The following CYYR1 variants were observed in gnomAD, a reference collection of about 807,000 sequenced individuals.
The protein encoded by CYYR1 is cysteine and tyrosine-rich protein 1.
In CYYR1, 14 loss-of-function variants were observed where a neutral mutation model predicts 15.2. The ratio of observed to expected loss-of-function variants is 0.92; its 90% CI spans 0.61 to 1.44. CYYR1 has a LOEUF of 1.44. Among genes scored for constraint, CYYR1 ranks in the 40% most tolerant of loss-of-function variants. The probability of loss-of-function intolerance (pLI) is 0.00; values close to 1 mark genes in which losing one functional copy is unlikely to be tolerated. For missense variants in CYYR1, 228 were observed against 209.5 expected, an observed-to-expected ratio of 1.09 and a Z score of -0.54; for synonymous variants, 80 against 77.4, an observed-to-expected ratio of 1.03 and a Z score of -0.18.
rs1047828479 is a variant in CYYR1, at chr21:26,467,576, T to C, written c.*925A>G. 4 of 152,164 alleles carry C rather than the reference T, an allele frequency of 2.6e-5. No homozygotes were observed. The highest frequency in any genetic ancestry group is 4.4e-5 in the Non-Finnish European group (3 of 68,026). The allele number at this position is 152,164 out of a possible 1,614,324, so 9.4% of individuals were successfully genotyped here. ...TGTGGGAATAATTGATTTCTCATCT[T>C]TTACTTGGAAGTGAAGTGTCTGCTA... On this transcript the variant is annotated 3_prime_UTR_variant, in exon 4 of 4. Transcript: ENST00000652641.
At chr21:26,543,815 A>G (rs1181323798) in intron 2 of CYYR1, among the ~76,000 whole-genome samples, 1 of 152,132 alleles carries the variant, frequency 6.6e-6, no homozygotes, top group Admixed American at 6.5e-5. Context: ...CTGAGGCAGG[A>G]GAATTGCTTG....
chr21:26,480,569 T>C, intron 2 of CYYR1, 140 bp from the exon 3 acceptor site: 1 of 892,880 alleles, frequency 1.1e-6, no homozygotes, highest in Non-Finnish European at 1.6e-6. Flanking sequence ...TCTTTTCTTT[T>C]TTTTTTTAAA....
At chr21:26,510,767 T>C (rs2065636483) in intron 2 of CYYR1, among the ~76,000 whole-genome samples, 1 of 152,198 alleles carries the variant, frequency 6.6e-6, no homozygotes, top group African/African-American at 2.4e-5. Context: ...AATTTATATA[T>C]AATAATTTTG....
rs1045294697 is a variant in CYYR1 at position 26,468,423 on chromosome 21, T to C, written c.*78A>G. 6 of 935,204 alleles carry C rather than the reference T, an allele frequency of 6.4e-6. No individual in the cohort carries two copies. The highest frequency in any genetic ancestry group is 1.1e-5 in the Non-Finnish European group (6 of 560,420). 57.9% of individuals were successfully genotyped at this position (935,204 alleles called of 1,614,324 possible). A position where few individuals can be genotyped will look rare whatever the true frequency, so the allele number is the denominator to read the frequency against. ...AAAAGTATTCCTTGGAGCAATTCTT[T>C]CCTGCCTGTTTCTGAGTAGAGGCAT... On this transcript the variant is annotated 3_prime_UTR_variant, in exon 4 of 4. Transcript: ENST00000652641.
intron 2 of CYYR1, among the ~76,000 whole-genome samples, chr21:26,548,276 T>A (rs1268282490): frequency 6.6e-6 from 1 of 152,262 alleles, no homozygotes; most frequent in African/African-American, 2.4e-5. Flanking sequence ...TTTGATTACA[T>A]CCCTTAATTG....
Position 26,573,094 on chromosome 21 carries a change from C to G in CYYR1, c.-154G>C, listed in dbSNP as rs763440110. On this transcript the variant is annotated 5_prime_UTR_variant, in exon 1 of 4. Coordinates refer to ENST00000652641, the MANE Select transcript of CYYR1 (RefSeq NM_001320768.2). ...GCCTAGGGAGCCTTCCAAGGGAGCC[C>G]GGGCCGGGCGCGTCCCGGGCCAGCG... 4 of 1,494,200 alleles carry G rather than the reference C, an allele frequency of 2.7e-6. No individual in the cohort carries two copies. The highest frequency in any genetic ancestry group is 1.4e-5 in the African/African-American group (1 of 70,622). The allele number at this position is 1,494,200 out of a possible 1,614,324, so 92.6% of individuals were successfully genotyped here.
chr21:26,529,770 C>T (rs1355245309), intron 2 of CYYR1, among the ~76,000 whole-genome samples: 1 of 152,172 alleles, frequency 6.6e-6, no homozygotes, highest in Non-Finnish European at 1.5e-5. Flanking sequence ...TGGTTCAATG[C>T]TATTGGATTT....
rs2064993569 is a variant in CYYR1, at chr21:26,468,428, C to T, written c.*73G>A. 2 of 970,378 alleles carry T rather than the reference C, an allele frequency of 2.1e-6. No individual in the cohort carries two copies. The highest frequency in any genetic ancestry group is 2.4e-5 in the East Asian group (1 of 41,800). 60.1% of individuals were successfully genotyped at this position (970,378 alleles called of 1,614,324 possible). A position where few individuals can be genotyped will look rare whatever the true frequency, so the allele number is the denominator to read the frequency against. On this transcript the variant is annotated 3_prime_UTR_variant, in exon 4 of 4. Transcript: ENST00000652641. The stretch of plus-strand genomic sequence containing the variant: ...TATTCCTTGGAGCAATTCTTTCCTG[C>T]CTGTTTCTGAGTAGAGGCATTTTAT...
At chr21:26,516,253 T>C (rs975977113) in intron 2 of CYYR1, among the ~76,000 whole-genome samples, 2 of 152,220 alleles carry the variant, frequency 1.3e-5, no homozygotes, top group African/African-American at 4.8e-5. Flanking sequence ...TGTGACAGTT[T>C]GATAGTTTAT....
chr21:26,569,978 C>T (rs1479182031), intron 1 of CYYR1, among the ~76,000 whole-genome samples: 1 of 152,188 alleles, frequency 6.6e-6, no homozygotes, highest in Non-Finnish European at 1.5e-5. Context: ...CAGAATTAAA[C>T]TACCCAAAAG....
intron 2 of CYYR1, among the ~76,000 whole-genome samples, chr21:26,510,651 G>T (rs2065634372): frequency 6.6e-6 from 1 of 152,114 alleles, no homozygotes; most frequent in Admixed American, 6.5e-5. Context: ...TATTTGAAAA[G>T]TCTCATTAGA....
intron 1 of CYYR1, among the ~76,000 whole-genome samples, chr21:26,571,076 C>G (rs979861094): frequency 6.6e-6 from 1 of 152,222 alleles, no homozygotes; most frequent in African/African-American, 2.4e-5. Context: ...GATTTTACCT[C>G]TCCTATGACA....
At position 26,475,781 on chromosome 21, in the gene CYYR1, T is replaced by G. The variant is rs941886110; in HGVS notation, c.334+4491A>C. ...CAAAGAAGGTTTTCTCAGTTCATGT[T>G]TGAATTCTCTGATTTGTACTAAAAA... On this transcript the variant is annotated intron_variant, in intron 3 of 3. Transcript: ENST00000652641. 2.0e-5 allele frequency among the ~76,000 whole-genome samples: 3 copies of G among 152,198 alleles called. No homozygotes were observed. In the East Asian group the frequency reaches 5.8e-4, roughly 29 times the overall value.
chr21:26,477,838 A>G, intron 3 of CYYR1: 2 of 1,213,066 alleles, frequency 1.6e-6, no homozygotes, highest in Non-Finnish European at 2.1e-6. Context: ...ATAATAATAA[A>G]AATAATTCCA....
intron 2 of CYYR1, chr21:26,506,682 T>A (rs1234455907): frequency 6.6e-6 from 1 of 152,202 alleles, no homozygotes; most frequent in African/African-American, 2.4e-5. Flanking sequence ...CCTGGACACC[T>A]GACCCAGGTG....
intron 2 of CYYR1, among the ~76,000 whole-genome samples, chr21:26,535,088 C>A (rs913629428): frequency 6.6e-6 from 1 of 151,900 alleles, no homozygotes; most frequent in Non-Finnish European, 1.5e-5. Flanking sequence ...GAATATACAC[C>A]GGGGACTACT....
rs114987966 is a variant in CYYR1, at chr21:26,493,720, T to C, written c.177-13291A>G. ...CTAGAAAGGGAAGTTTCTGACACCT[T>C]GTAGGAAAGAAGGGATGGATCAGGC... On this transcript the variant is annotated intron_variant, in intron 2 of 3. Coordinates refer to ENST00000652641, the MANE Select transcript of CYYR1 (RefSeq NM_001320768.2). 4.9e-3 allele frequency among the ~76,000 whole-genome samples: 741 copies of C among 152,228 alleles called. 7 individuals are homozygous for C. The highest frequency in any genetic ancestry group is 0.016 in the African/African-American group (664 of 41,530).
chr21:26,551,363 T>C (rs1979376595), intron 2 of CYYR1: 1 of 152,644 alleles, frequency 6.6e-6, no homozygotes, highest in African/African-American at 2.4e-5. Flanking sequence ...TCTTATTATT[T>C]GAGAAATAAA....
chr21:26,495,309 G>C (rs1227839993), intron 2 of CYYR1, among the ~76,000 whole-genome samples: 1 of 152,186 alleles, frequency 6.6e-6, no homozygotes, highest in Non-Finnish European at 1.5e-5. Flanking sequence ...TCTAAATCAA[G>C]TGAGTGCTAG....
Sources: gnomAD v4.1 joint callset for allele counts (sites outside exome capture counted in the v4.1 genomes callset) on GRCh38, gnomAD v4.1.1 for gene constraint, MANE v1.5 for transcripts, NCBI Gene and HGNC (gene_info 2026-07-23, HGNC 2026-07-21) for gene names.